DRAM1: variants seen among roughly 807,000 people sequenced by gnomAD.
DRAM1 encodes DNA damage-regulated autophagy modulator protein 1.
Under a neutral mutation model 28.5 loss-of-function variants are expected in DRAM1, and 25 were observed. That is an observed-to-expected ratio of 0.88 (90% CI 0.64 to 1.23). DRAM1 has a LOEUF of 1.23. Ranked by LOEUF, DRAM1 falls within the 50% of genes most tolerant of loss-of-function variation. The pLI, the probability that DRAM1 is intolerant of heterozygous loss-of-function variation, is 0.00. For synonymous variants in DRAM1, 113 were observed against 114.2 expected (o/e 0.99, Z 0.07); for missense variants, 249 against 299.2 (o/e 0.83, Z 1.24).
chr12:101,887,145 C>CTAA (rs1872913603), intron 1 of DRAM1, among the ~76,000 whole-genome samples: 7 of 128,974 alleles, frequency 5.4e-5, no homozygotes, highest in African/African-American at 1.7e-4. Context: ...AACTCCGTTT[C>CTAA]AAAAAAAAAA....
intron 1 of DRAM1, among the ~76,000 whole-genome samples, chr12:101,889,811 G>A (rs1478317293): frequency 1.3e-5 from 2 of 151,626 alleles, no homozygotes; most frequent in Admixed American, 1.3e-4. Context: ...ATGGTGGTGG[G>A]TGCCTGTAAT....
chr12:101,920,580 C>G (rs531061985), intron 6 of DRAM1, among the ~76,000 whole-genome samples: 33 of 152,188 alleles, frequency 2.2e-4, no homozygotes, highest in African/African-American at 6.3e-4. Flanking sequence ...GTCTCACTTA[C>G]TAGTTCCAAA....
intron 5 of DRAM1, 33 bp from the exon 6 acceptor site, chr12:101,920,076 C>T (rs545352629): frequency 1.6e-5 from 23 of 1,482,298 alleles, no homozygotes; most frequent in Admixed American, 8.1e-5. Flanking sequence ...GAGTCTTTTT[C>T]GGCTAAATTC....
At chr12:101,895,186 G>GTTTTTTTTTTTTTTTTTTTTTTTTTTTT (rs574722379) in intron 1 of DRAM1, among the ~76,000 whole-genome samples, 2 of 75,734 alleles carry the variant, frequency 2.6e-5, no homozygotes, top group East Asian at 6.6e-4. Flanking sequence ...AACCCTTCAG[G>GTTTTTTTTTTTTTTTTTTTTTTTTTTTT]TTTTTTTTTT....
intron 3 of DRAM1, among the ~76,000 whole-genome samples, chr12:101,905,797 A>G (rs1460996427): frequency 6.6e-6 from 1 of 151,030 alleles, no homozygotes. Flanking sequence ...GTATTTATTT[A>G]TTTTTTGAGA....
At chr12:101,883,672 T>C (rs1447450714) in intron 1 of DRAM1, among the ~76,000 whole-genome samples, 6 of 148,072 alleles carry the variant, frequency 4.1e-5, no homozygotes, top group African/African-American at 1.2e-4. Flanking sequence ...AGTGGCTCAC[T>C]CACGCCTGTA....
intron 5 of DRAM1, 44 bp from the exon 6 acceptor site, chr12:101,920,065 T>G (rs754138369): frequency 7.9e-6 from 11 of 1,390,546 alleles, no homozygotes; most frequent in Middle Eastern, 1.8e-4. Flanking sequence ...TACATTAAAG[T>G]GAGTCTTTTT....
At chr12:101,914,484 T>C (rs139987486) in intron 5 of DRAM1, among the ~76,000 whole-genome samples, 165 of 131,098 alleles carry the variant, frequency 1.3e-3, no homozygotes, top group Middle Eastern at 4.5e-3. Flanking sequence ...TTCTTCTTCT[T>C]CTTTTTTTTT....
chr12:101,906,606 C>A (rs527541932), intron 3 of DRAM1, among the ~76,000 whole-genome samples: 1 of 152,124 alleles, frequency 6.6e-6, no homozygotes, highest in Non-Finnish European at 1.5e-5. Flanking sequence ...ATAATCTGAG[C>A]ACTTTGGAAG....
chr12:101,906,904 TGAG>T, intron 3 of DRAM1, among the ~76,000 whole-genome samples: 1 of 136,290 alleles, frequency 7.3e-6, no homozygotes, highest in Admixed American at 7.4e-5. Context: ...GAGCCAAAGG[TGAG>T]GTGCATTTTG....
chr12:101,881,032 G>A (rs117523153), intron 1 of DRAM1, among the ~76,000 whole-genome samples: 16 of 152,206 alleles, frequency 1.1e-4, no homozygotes, highest in Non-Finnish European at 2.2e-4. Context: ...GCCCCTGCCC[G>A]CTCCTAGAAA....
At position 101,923,427 on chromosome 12, in the gene DRAM1, C is replaced by G. The variant is rs1874559332; in HGVS notation, c.*2167C>G. 6.6e-6 allele frequency: 1 copy of G among 152,144 alleles called. No homozygotes were observed. The highest frequency in any genetic ancestry group is 2.4e-5 in the African/African-American group (1 of 41,414). The allele number at this position is 152,144 out of a possible 1,614,324, so 9.4% of individuals were successfully genotyped here. ...GCAGAGTACGTGCCTTAATCTTTAT[C>G]TTTGTAATGCCACAATGAACAGAGT... On this transcript the variant is annotated 3_prime_UTR_variant, in exon 7 of 7. Coordinates refer to ENST00000258534, the MANE Select transcript of DRAM1 (RefSeq NM_018370.3).
At chr12:101,896,567 C>T (rs1250216808) in intron 1 of DRAM1, among the ~76,000 whole-genome samples, 2 of 151,980 alleles carry the variant, frequency 1.3e-5, no homozygotes, top group Non-Finnish European at 2.9e-5. Flanking sequence ...ACTTCAAAAC[C>T]AGCCTGGGTA....
At chr12:101,916,609 T>C (rs768495268) in intron 5 of DRAM1, among the ~76,000 whole-genome samples, 1 of 152,184 alleles carries the variant, frequency 6.6e-6, no homozygotes, top group Non-Finnish European at 1.5e-5. Flanking sequence ...AGACGCCTTA[T>C]AGGAGAATCA....
chr12:101,893,665 A>AC (rs1021874595), intron 1 of DRAM1, among the ~76,000 whole-genome samples: 1 of 151,370 alleles, frequency 6.6e-6, no homozygotes, highest in South Asian at 2.1e-4. Context: ...GTTGATATAG[A>AC]CCCCCCTCAG....
chr12:101,889,940 C>CAA (rs778793274), intron 1 of DRAM1: 4,190 of 242,818 alleles, frequency 0.017, 15 homozygotes, highest in South Asian at 0.021. Flanking sequence ...GACTCTGTCT[C>CAA]AAAAAAAAAA....
chr12:101,902,056 G>A (rs61100438), intron 3 of DRAM1, among the ~76,000 whole-genome samples: 26,758 of 151,980 alleles, frequency 0.18, 2,522 homozygotes, highest in East Asian at 0.25. Flanking sequence ...TTTGTTAAGA[G>A]TGTGAAAATA....
At chr12:101,883,611 G>A (rs1430832761) in intron 1 of DRAM1, among the ~76,000 whole-genome samples, 6 of 142,890 alleles carry the variant, frequency 4.2e-5, no homozygotes, top group Admixed American at 2.1e-4. Context: ...ACTGCGCCCC[G>A]CATGAATGTT....
In DRAM1 at chr12:101,877,591, G is replaced by A; in HGVS notation, c.-199G>A. The A allele has an allele frequency of 3.3e-6, 1 of 302,286 alleles. No individual in the cohort carries two copies. Among genetic ancestry groups the A allele is most frequent in the Non-Finnish European group, 5.9e-6 (1 of 168,118 alleles). 18.7% of individuals were successfully genotyped at this position (302,286 alleles called of 1,614,324 possible). ...CCCGCGCCCCACCCACTCTGGCCCG[G>A]CAGCCTCGCCGCCCGCAGCCTCGCT... is the stretch of plus-strand genomic sequence containing the variant. On this transcript the variant is annotated 5_prime_UTR_variant, in exon 1 of 7. Coordinates refer to ENST00000258534, the MANE Select transcript of DRAM1 (RefSeq NM_018370.3). This position sits in a 1 kb window ranked among gnomAD's most constrained non-coding sequence, Gnocchi z 4.1.
Sources: allele counts gnomAD v4.1 joint callset (sites outside exome capture counted in the v4.1 genomes callset), GRCh38; gene constraint gnomAD v4.1.1; non-coding constraint Gnocchi (gnomAD v3.1); transcripts MANE v1.5; gene names NCBI Gene and HGNC (gene_info 2026-07-23, HGNC 2026-07-21).